The following SP100 variants were observed in gnomAD, a reference collection of about 807,000 sequenced individuals.
SP100 encodes the protein SP100 nuclear body protein.
In SP100, 84 loss-of-function variants were observed where a neutral mutation model predicts 130.0. That is an observed-to-expected ratio of 0.65 (90% CI 0.54 to 0.77). The LOEUF (loss-of-function observed/expected upper bound fraction) is 0.77. SP100 is among the 30% of genes least tolerant of loss of function. The pLI is 0.00. For synonymous variants in SP100, 331 were observed against 351.7 expected (o/e 0.94, Z 0.66); for missense variants, 978 against 1,052.2 (o/e 0.93, Z 0.97).
At chr2:230,438,501 C>T (rs2063362373) in intron 2 of SP100, among the ~76,000 whole-genome samples, 1 of 152,044 alleles carries the variant, frequency 6.6e-6, no homozygotes, top group South Asian at 2.1e-4. Flanking sequence ...GCTTAACTCC[C>T]ACTAATAAGT....
At chr2:230,436,906 G>GTGTATACACACA (rs1559486478) in intron 2 of SP100, among the ~76,000 whole-genome samples, 150 of 63,964 alleles carry the variant, frequency 2.3e-3, no homozygotes, top group South Asian at 3.0e-3. Flanking sequence ...ATACACACAC[G>GTGTATACACACA]CATATATGTG....
At chr2:230,466,396 T>A (rs774765264) in intron 12 of SP100, 42 bp downstream of exon 12, 2 of 1,017,234 alleles carry the variant, frequency 2.0e-6, no homozygotes, top group African/African-American at 3.2e-5. Flanking sequence ...GAAAATAACT[T>A]CTCTTCATGG....
intron 23 of SP100, 28 bp from the exon 24 acceptor site, chr2:230,511,097 G>T: frequency 1.3e-6 from 2 of 1,514,280 alleles, no homozygotes; most frequent in Non-Finnish European, 1.8e-6. Context: ...ACTCAATATT[G>T]TACCAATCTT....
intron 24 of SP100, among the ~76,000 whole-genome samples, chr2:230,522,476 CTTTTTT>C (rs750389091): frequency 6.1e-5 from 5 of 82,138 alleles, no homozygotes; most frequent in South Asian, 5.3e-4. Context: ...CCCCAGTGTT[CTTTTTT>C]TTTTTTTTTT....
intron 25 of SP100, 37 bp downstream of exon 25, chr2:230,539,419 T>A: frequency 6.9e-7 from 1 of 1,452,828 alleles, no homozygotes; most frequent in Non-Finnish European, 9.7e-7. Flanking sequence ...AGCCCTTCCT[T>A]CTTGTGGTAC....
chr2:230,456,450 T>C (rs982231287), intron 8 of SP100, among the ~76,000 whole-genome samples: 4 of 152,234 alleles, frequency 2.6e-5, no homozygotes, highest in Non-Finnish European at 5.9e-5. Flanking sequence ...GAAATTTATG[T>C]CTTTCACCAG....
At chr2:230,516,485 T>C (rs1041236270) in intron 24 of SP100, 3 of 152,178 alleles carry the variant, frequency 2.0e-5, no homozygotes, top group Admixed American at 1.3e-4. Flanking sequence ...ATCGGCAATG[T>C]TTCAAACAAA....
At chr2:230,473,570 G>A in intron 16 of SP100, 130 bp downstream of exon 16, 2 of 556,360 alleles carry the variant, frequency 3.6e-6, no homozygotes, top group Admixed American at 2.8e-5. Flanking sequence ...CAGGAAGTGG[G>A]CCCACAGGCC....
At chr2:230,500,767 C>A (rs972385291) in intron 19 of SP100, among the ~76,000 whole-genome samples, 2 of 152,120 alleles carry the variant, frequency 1.3e-5, no homozygotes, top group African/African-American at 4.8e-5. Flanking sequence ...CACAGAACCA[C>A]CCCTGTGTGG....
intron 23 of SP100, chr2:230,510,821 G>A (rs1306086376): frequency 4.8e-6 from 2 of 417,516 alleles, no homozygotes; most frequent in Non-Finnish European, 8.7e-6. Flanking sequence ...AAACATGCCT[G>A]CAGGCCCCTT....
chr2:230,519,097 A>G (rs1691051582), intron 24 of SP100, among the ~76,000 whole-genome samples: 1 of 152,224 alleles, frequency 6.6e-6, no homozygotes, highest in South Asian at 2.1e-4. Flanking sequence ...TGAAGCCCTT[A>G]ATGAGTGTAA....
rs1193506734 is a variant in SP100, at chr2:230,460,592, C to CTTTTTT, written c.821-633_821-628dup. On this transcript the variant is annotated intron_variant, in intron 8 of 28. Coordinates refer to ENST00000340126, the MANE Select transcript of SP100 (RefSeq NM_001080391.2). Reference sequence around the variant, plus strand: ...TGTCTGGGGTATTGGTAATCTGTTTCTTTTTTTTTTTTTTTTTTTTTTTTT... The same window carrying CTTTTTT: ...TGTCTGGGGTATTGGTAATCTGTTTCTTTTTTTTTTTTTTTTTTTTTTTTTTTTTTT... Among the ~76,000 whole-genome samples the CTTTTTT allele has an allele frequency of 8.7e-3, 150 of 17,188 alleles. 30 individuals carry two copies. The highest frequency in any genetic ancestry group is 0.018 in the East Asian group (12 of 674). The allele number at this position is 17,188 out of a possible 152,430, so 11.3% of individuals were successfully genotyped here. A position where few individuals can be genotyped will look rare whatever the true frequency, so the allele number is the denominator to read the frequency against.
Position 230,536,479 on chromosome 2 carries a change from G to A in SP100, c.2095-2788G>A, listed in dbSNP as rs533637755. Among the ~76,000 whole-genome samples, 14 of 152,162 alleles carry A rather than the reference G, an allele frequency of 9.2e-5. No homozygotes were observed. In the East Asian group the frequency reaches 2.7e-3, roughly 29 times the overall value. On this transcript the variant is annotated intron_variant, in intron 24 of 28. Transcript: ENST00000340126. ...TTGTCTTATCTGAGTTCTTTCTCAG[G>A]AAACCAACCGTCAGACCCCCACATA...
At chr2:230,423,558 G>A (rs994681024) in intron 2 of SP100, among the ~76,000 whole-genome samples, 1 of 151,930 alleles carries the variant, frequency 6.6e-6, no homozygotes, top group Non-Finnish European at 1.5e-5. Flanking sequence ...CCTTTGTTGA[G>A]GGGATTACCT....
chr2:230,517,391 A>C (rs1436359137), intron 24 of SP100, among the ~76,000 whole-genome samples: 2 of 152,224 alleles, frequency 1.3e-5, no homozygotes, highest in Non-Finnish European at 2.9e-5. Flanking sequence ...GGATGTAAAA[A>C]TCTTAGCTCT....
At chr2:230,485,392 G>T (rs1013646937) in intron 17 of SP100, among the ~76,000 whole-genome samples, 1 of 152,160 alleles carries the variant, frequency 6.6e-6, no homozygotes, top group Non-Finnish European at 1.5e-5. Context: ...ATTTAAGAGA[G>T]GGTGGGGAAA....
intron 2 of SP100, among the ~76,000 whole-genome samples, chr2:230,431,317 G>A (rs2063093062): frequency 6.6e-6 from 1 of 152,184 alleles, no homozygotes; most frequent in Non-Finnish European, 1.5e-5. Context: ...AGGGAAGCTG[G>A]GTGTCCTCCT....
At chr2:230,457,358 A>G (rs2064332929) in intron 8 of SP100, among the ~76,000 whole-genome samples, 1 of 152,228 alleles carries the variant, frequency 6.6e-6, no homozygotes, top group Non-Finnish European at 1.5e-5. Context: ...GGTCTGGATC[A>G]TGGGTTCACT....
chr2:230,438,819 A>ATT (rs1405284603), intron 2 of SP100, among the ~76,000 whole-genome samples: 1 of 152,094 alleles, frequency 6.6e-6, no homozygotes, highest in Non-Finnish European at 1.5e-5. Context: ...TTGTGCTGCT[A>ATT]TAAACGCGTG....
Sources: allele counts gnomAD v4.1 joint callset (sites outside exome capture counted in the v4.1 genomes callset), GRCh38; gene constraint gnomAD v4.1.1; transcripts MANE v1.5; gene names NCBI Gene and HGNC (gene_info 2026-07-23, HGNC 2026-07-21).